The following CCDC201 variants were observed in gnomAD, a reference collection of about 807,000 sequenced individuals.
The protein encoded by CCDC201 is coiled-coil domain containing 201, also known as coiled-coil domain-containing protein 201.
At chr7:45,882,882 A>C in the CCDC201 span, among the ~76,000 whole-genome samples, 20 of 152,206 alleles carry the variant, frequency 1.3e-4, no homozygotes, top group African/African-American at 4.8e-4. Flanking sequence ...ACAACTGTTC[A>C]TCCCTGCCTC....
At chr7:45,880,224 A>G in the CCDC201 span, among the ~76,000 whole-genome samples, 2 of 152,206 alleles carry the variant, frequency 1.3e-5, no homozygotes, top group Non-Finnish European at 2.9e-5. Flanking sequence ...GTTATTTTTT[A>G]TTATTTTATT....
upstream of CCDC201, among the ~76,000 whole-genome samples, chr7:45,873,261 C>CA (rs1357605832): frequency 6.8e-6 from 1 of 147,514 alleles, no homozygotes; most frequent in Admixed American, 6.8e-5. Flanking sequence ...GCTGGCTGGG[C>CA]ACTTGCGCCC....
At chr7:45,883,223 A>G in the CCDC201 span, among the ~76,000 whole-genome samples, 3 of 152,066 alleles carry the variant, frequency 2.0e-5, no homozygotes, top group South Asian at 2.1e-4. Context: ...GTGGTGCTGG[A>G]CAGAAGGACA....
At chr7:45,875,439 CA>C (rs34636507), upstream of CCDC201, among the ~76,000 whole-genome samples, 54,529 of 104,912 alleles carry the variant, frequency 0.52, 10,971 homozygotes, top group East Asian at 0.6. Flanking sequence ...AGGCTTCAGT[CA>C]AAAAAAAAAA....
intron 1 of CCDC201, among the ~76,000 whole-genome samples, chr7:45,872,316 T>C (rs1381010799): frequency 6.6e-6 from 1 of 152,206 alleles, no homozygotes. Flanking sequence ...CAGGCGGAGC[T>C]GTAGGCTCCA....
chr7:45,882,843 G>A, the CCDC201 span, among the ~76,000 whole-genome samples: 1 of 152,288 alleles, frequency 6.6e-6, no homozygotes, highest in Non-Finnish European at 1.5e-5. Flanking sequence ...TCCATGTCTA[G>A]CACTGAAAGC....
upstream of CCDC201, among the ~76,000 whole-genome samples, chr7:45,875,787 C>T (rs1451473840): frequency 2.0e-5 from 3 of 151,770 alleles, no homozygotes; most frequent in Non-Finnish European, 4.4e-5. Flanking sequence ...CTATGTGCCA[C>T]CTGGGCGTGA....
upstream of CCDC201, among the ~76,000 whole-genome samples, chr7:45,877,509 T>C (rs965474235): frequency 6.6e-6 from 1 of 152,192 alleles, no homozygotes; most frequent in Admixed American, 6.5e-5. Context: ...CTGTACAGGA[T>C]TCTGCTTCTG....
chr7:45,880,825 A>G, the CCDC201 span, among the ~76,000 whole-genome samples: 4 of 152,216 alleles, frequency 2.6e-5, no homozygotes, highest in African/African-American at 7.2e-5. Context: ...TGACAGCTCC[A>G]TCCTGGGGTG....
intron 1 of CCDC201, among the ~76,000 whole-genome samples, chr7:45,868,990 G>T (rs1786712074): frequency 6.6e-6 from 1 of 152,082 alleles, no homozygotes; most frequent in Non-Finnish European, 1.5e-5. Flanking sequence ...CATATATAAA[G>T]GAAAAAACTT....
chr7:45,860,789 G>T (rs566015970), exon 3 of CCDC201: 1 of 152,216 alleles, frequency 6.6e-6, no homozygotes, highest in Admixed American at 6.5e-5. Flanking sequence ...GACTTGTTCT[G>T]TCTTTAGCTG....
upstream of CCDC201, among the ~76,000 whole-genome samples, chr7:45,875,874 A>G (rs1409669051): frequency 2.0e-5 from 3 of 152,218 alleles, no homozygotes; most frequent in Non-Finnish European, 4.4e-5. Flanking sequence ...GTTCCCTGTC[A>G]TAAGACCTTA....
chr7:45,881,244 T>C, the CCDC201 span, among the ~76,000 whole-genome samples: 2 of 152,090 alleles, frequency 1.3e-5, no homozygotes. Context: ...TGGTGGCTCG[T>C]CCTCATTTCC....
chr7:45,882,533 A>T, the CCDC201 span, among the ~76,000 whole-genome samples: 1 of 152,168 alleles, frequency 6.6e-6, no homozygotes, highest in Non-Finnish European at 1.5e-5. Flanking sequence ...GGGCTAACAC[A>T]ATTGTCAGAG....
the CCDC201 span, among the ~76,000 whole-genome samples, chr7:45,881,130 ATCT>A: frequency 2.0e-5 from 3 of 152,184 alleles, no homozygotes; most frequent in African/African-American, 2.4e-5. Context: ...GGTAAGTGTC[ATCT>A]TCTACCAAAT....
upstream of CCDC201, among the ~76,000 whole-genome samples, chr7:45,877,522 G>A (rs1363388236): frequency 6.6e-6 from 1 of 152,196 alleles, no homozygotes; most frequent in East Asian, 1.9e-4. Context: ...TGCTTCTGAG[G>A]TCATCTCAGG....
chr7:45,878,308 C>T, the CCDC201 span, among the ~76,000 whole-genome samples: 1 of 152,234 alleles, frequency 6.6e-6, no homozygotes, highest in African/African-American at 2.4e-5. Flanking sequence ...CACAGCTCTA[C>T]TGGGCAGTGC....
the CCDC201 span, among the ~76,000 whole-genome samples, chr7:45,878,969 G>T: frequency 6.6e-5 from 10 of 152,352 alleles, no homozygotes; most frequent in South Asian, 1.2e-3. Context: ...GCTATTAGAA[G>T]CAGCCAGGTC....
intron 2 of CCDC201, among the ~76,000 whole-genome samples, chr7:45,864,790 TAGA>T (rs1786651082): frequency 6.6e-6 from 1 of 151,852 alleles, no homozygotes; most frequent in Non-Finnish European, 1.5e-5. Flanking sequence ...TCCTAAAAAG[TAGA>T]AGAAAGGGCT....
Sources: allele counts gnomAD v4.1 joint callset (sites outside exome capture counted in the v4.1 genomes callset), GRCh38; gene constraint gnomAD v4.1.1; transcripts MANE v1.5; gene names NCBI Gene and HGNC (gene_info 2026-07-23, HGNC 2026-07-21).